The following MTUS2 variants were observed in gnomAD, a reference collection of about 807,000 sequenced individuals.
MTUS2 encodes the protein microtubule-associated tumor suppressor candidate 2.
In MTUS2, 40 loss-of-function variants were observed where a neutral mutation model predicts 114.1. The ratio of observed to expected loss-of-function variants is 0.35; its 90% CI spans 0.27 to 0.46. MTUS2 has a LOEUF of 0.46. MTUS2 is among the 20% of genes least tolerant of loss of function. The pLI is 1.00. For missense variants in MTUS2, 1,679 were observed against 1,705.4 expected (o/e 0.98, Z 0.27); for synonymous variants, 688 against 672.0 (o/e 1.02, Z -0.37).
chr13:29,001,510 A>G lies in MTUS2; in HGVS notation c.-242-22947A>G, dbSNP rs1885384149. 1.3e-5 allele frequency among the ~76,000 whole-genome samples: 2 copies of G among 152,236 alleles called. 1 individual carries two copies. The highest frequency in any genetic ancestry group is 4.1e-4 in the South Asian group (2 of 4,836). The stretch of plus-strand genomic sequence containing the variant: ...GAGCAAATGGAAGGATGAGCTTGAC[A>G]TCAACTGAAACGCAGGCAGATATGG... On this transcript the variant is annotated intron_variant, in intron 2 of 15. Coordinates refer to ENST00000612955, the MANE Select transcript of MTUS2 (RefSeq NM_001033602.4).
At chr13:29,050,359 GC>G (rs1887835282) in intron 4 of MTUS2, among the ~76,000 whole-genome samples, 2 of 152,008 alleles carry the variant, frequency 1.3e-5, no homozygotes, top group South Asian at 4.2e-4. Context: ...CATTTAAGAA[GC>G]TTATTCCAGC....
intron 8 of MTUS2, among the ~76,000 whole-genome samples, chr13:29,417,060 TA>T (rs1875722180): frequency 6.6e-6 from 1 of 152,240 alleles, no homozygotes; most frequent in Non-Finnish European, 1.5e-5. Flanking sequence ...TTTAGAGGTT[TA>T]TGGCTCACAG....
At chr13:29,493,288 G>C (rs947526599) in intron 12 of MTUS2, among the ~76,000 whole-genome samples, 1 of 152,166 alleles carries the variant, frequency 6.6e-6, no homozygotes, top group African/African-American at 2.4e-5. Context: ...AGGTGTCCCA[G>C]ATCACCTGTG....
chr13:29,359,161 C>G (rs1230778137), intron 7 of MTUS2, 101 bp from the exon 8 acceptor site: 6 of 1,140,462 alleles, frequency 5.3e-6, no homozygotes, highest in African/African-American at 1.6e-5. Context: ...GCAATTTCTT[C>G]TCTACCACTT....
intron 8 of MTUS2, among the ~76,000 whole-genome samples, chr13:29,422,955 C>CA (rs1275070473): frequency 3.3e-5 from 5 of 152,188 alleles, no homozygotes; most frequent in African/African-American, 1.2e-4. Flanking sequence ...TGCCAAATTA[C>CA]AACAGTCTAA....
intron 4 of MTUS2, among the ~76,000 whole-genome samples, chr13:29,043,281 A>T (rs560669691): frequency 7.9e-5 from 12 of 151,896 alleles, no homozygotes; most frequent in Non-Finnish European, 1.8e-4. Context: ...GTTTTATTCC[A>T]CTGTAGTTTG....
chr13:29,295,112 G>T (rs1422643001), intron 6 of MTUS2, among the ~76,000 whole-genome samples: 1 of 151,486 alleles, frequency 6.6e-6, no homozygotes, highest in African/African-American at 2.4e-5. Flanking sequence ...CGTATTGACT[G>T]GCTGTTGCCT....
At chr13:29,038,482 T>C (rs997253780) in intron 4 of MTUS2, among the ~76,000 whole-genome samples, 1 of 152,206 alleles carries the variant, frequency 6.6e-6, no homozygotes, top group African/African-American at 2.4e-5. Flanking sequence ...TGTCTGCCCC[T>C]GCTGGGAGGT....
At position 29,440,069 on chromosome 13, in the gene MTUS2, T is replaced by A; in HGVS notation, c.3184+20T>A. On this transcript the variant is annotated intron_variant, in intron 9 of 15. Coordinates refer to ENST00000612955, the MANE Select transcript of MTUS2 (RefSeq NM_001033602.4). ...AAGTTGGTAAGTAGGGCATTGACAATGAGGAGCATAAAGAATGTCTTTTCC... is the reference window on the plus strand; with the variant it reads ...AAGTTGGTAAGTAGGGCATTGACAAAGAGGAGCATAAAGAATGTCTTTTCC... 1 of 1,566,368 alleles carries A rather than the reference T, an allele frequency of 6.4e-7. No individual in the cohort carries two copies. Among genetic ancestry groups the A allele is most frequent in the South Asian group, 1.2e-5 (1 of 85,010 alleles).
intron 6 of MTUS2, among the ~76,000 whole-genome samples, chr13:29,305,313 A>G (rs948239346): frequency 6.6e-6 from 1 of 151,674 alleles, no homozygotes; most frequent in Non-Finnish European, 1.5e-5. Flanking sequence ...AGACACAGAC[A>G]TGAAAAAACC....
rs200973208 is a variant in MTUS2, at chr13:29,025,727, G to T, written c.1029G>T (p.Leu343Phe). 2 of 1,614,004 alleles carry T rather than the reference G, an allele frequency of 1.2e-6. No homozygotes were observed. The highest frequency in any genetic ancestry group is 3.3e-5 in the Admixed American group (2 of 60,034). ...GCHKEENLSALEGRDPCGEAH... is the reference protein window; with the variant it reads ...GCHKEENLSAFEGRDPCGEAH... ...ACAAGGAAGAGAATCTGTCAGCCTTGGAGGGAAGGGATCCATGTGGGGAAG... is the reference window on the plus strand; with the variant it reads ...ACAAGGAAGAGAATCTGTCAGCCTTTGAGGGAAGGGATCCATGTGGGGAAG... The change falls in exon 3 of 16, where the codon TTG becomes TTT. Residue 343 changes from leucine to phenylalanine, a missense_variant. Transcript: ENST00000612955.
At chr13:29,349,892 T>A (rs533863353) in intron 7 of MTUS2, among the ~76,000 whole-genome samples, 1 of 152,322 alleles carries the variant, frequency 6.6e-6, no homozygotes. Context: ...TTTTTGGATC[T>A]GTTTTTATAC....
intron 2 of MTUS2, among the ~76,000 whole-genome samples, chr13:28,850,036 ATGGT>A (rs1876161841): frequency 1.3e-5 from 2 of 152,132 alleles, no homozygotes; most frequent in South Asian, 4.1e-4. Context: ...GCAGCTTTTC[ATGGT>A]TGGTGGAACA....
intron 5 of MTUS2, among the ~76,000 whole-genome samples, chr13:29,113,629 C>T (rs1890968655): frequency 6.6e-6 from 1 of 151,898 alleles, no homozygotes; most frequent in African/African-American, 2.4e-5. Flanking sequence ...CTAGTAGTTC[C>T]CTTATTGGAT....
At chr13:28,964,592 C>G (rs9550426) in intron 2 of MTUS2, among the ~76,000 whole-genome samples, 1 of 151,608 alleles carries the variant, frequency 6.6e-6, no homozygotes, top group Non-Finnish European at 1.5e-5. Flanking sequence ...GCAGGTGTGT[C>G]TGCAGAGTTG....
intron 8 of MTUS2, among the ~76,000 whole-genome samples, chr13:29,438,738 T>G (rs188622173): frequency 6.6e-6 from 1 of 152,304 alleles, no homozygotes; most frequent in Non-Finnish European, 1.5e-5. Flanking sequence ...CTGCATTTTC[T>G]TAAGGAAACT....
chr13:29,148,336 G>A (rs566858938), intron 5 of MTUS2, among the ~76,000 whole-genome samples: 2 of 151,872 alleles, frequency 1.3e-5, no homozygotes, highest in East Asian at 3.9e-4. Flanking sequence ...TCCATTAGCT[G>A]TTCTTCCTGA....
chr13:28,865,229 T>C (rs1593255769), intron 2 of MTUS2, among the ~76,000 whole-genome samples: 1 of 152,146 alleles, frequency 6.6e-6, no homozygotes, highest in Non-Finnish European at 1.5e-5. Flanking sequence ...TGGGCTGGGG[T>C]TCAGGATTCT....
chr13:29,335,718 G>T (rs1194177163), intron 7 of MTUS2, among the ~76,000 whole-genome samples: 1 of 152,110 alleles, frequency 6.6e-6, no homozygotes, highest in Admixed American at 6.5e-5. Context: ...TCGGGGGCGG[G>T]TTCCCCCAAT....
Sources: gnomAD v4.1 joint callset for allele counts (sites outside exome capture counted in the v4.1 genomes callset) on GRCh38, gnomAD v4.1.1 for gene constraint, MANE v1.5 for transcripts, NCBI Gene and HGNC (gene_info 2026-07-23, HGNC 2026-07-21) for gene names.